CDK13: variants seen among roughly 807,000 people sequenced by gnomAD.
The protein encoded by CDK13 is cyclin dependent kinase 13, also known as cyclin-dependent kinase 13.
Under a neutral mutation model 137.6 loss-of-function variants are expected in CDK13, and 40 were observed. That is an observed-to-expected ratio of 0.29 (90% CI 0.23 to 0.38). CDK13 has a LOEUF of 0.38. Ranked by LOEUF, CDK13 falls within the 10% of genes least tolerant of loss-of-function variation. The pLI is 1.00. For synonymous variants in CDK13, 869 were observed against 760.1 expected (o/e 1.14, Z -2.36); for missense variants, 1,704 against 1,951.8 (o/e 0.87, Z 2.39).
At chr7:40,076,260 A>G (rs972651935) in intron 9 of CDK13, among the ~76,000 whole-genome samples, 1 of 152,242 alleles carries the variant, frequency 6.6e-6, no homozygotes, top group Non-Finnish European at 1.5e-5. Flanking sequence ...CCTGTAAACA[A>G]CTAAAATACA....
In CDK13 at chr7:39,952,012, CG is replaced by C. The variant is rs943892128; in HGVS notation, c.1211+161del. On this transcript the variant is annotated intron_variant, in intron 1 of 13. Transcript: ENST00000181839. ...CAGGAAGGATAGGCGTTTTCGCGCG[CG>C]TGACACTTTTTTAGGGGGTCGAAGG... 5 of 697,576 alleles carry C rather than the reference CG, an allele frequency of 7.2e-6. No homozygotes were observed. The Admixed American group carries it at 1.3e-4, about 18-fold the overall frequency. 43.2% of individuals were successfully genotyped at this position (697,576 alleles called of 1,614,324 possible).
chr7:40,060,563 G>A (rs573321764), intron 7 of CDK13, among the ~76,000 whole-genome samples: 1 of 152,264 alleles, frequency 6.6e-6, no homozygotes, highest in Non-Finnish European at 1.5e-5. Flanking sequence ...TTTGTGTGTG[G>A]GGTTCATAAT....
At chr7:40,029,424 A>G (rs1312407006) in intron 5 of CDK13, among the ~76,000 whole-genome samples, 4 of 145,232 alleles carry the variant, frequency 2.8e-5, no homozygotes, top group Non-Finnish European at 6.1e-5. Flanking sequence ...GACTGTGTGG[A>G]AAAAAAAAAA....
intron 1 of CDK13, among the ~76,000 whole-genome samples, chr7:39,961,301 A>G (rs1195042242): frequency 6.6e-6 from 1 of 152,168 alleles, no homozygotes; most frequent in Non-Finnish European, 1.5e-5. Context: ...CAGAGGTTGC[A>G]GTGAGCCGAG....
At chr7:40,063,906 C>G (rs908921671) in intron 9 of CDK13, among the ~76,000 whole-genome samples, 1 of 152,104 alleles carries the variant, frequency 6.6e-6, no homozygotes, top group African/African-American at 2.4e-5. Context: ...GACTGCCCCC[C>G]GCCTCGTTCT....
intron 5 of CDK13, among the ~76,000 whole-genome samples, chr7:40,020,436 A>G (rs1370271147): frequency 1.3e-5 from 2 of 152,088 alleles, no homozygotes; most frequent in Admixed American, 6.5e-5. Flanking sequence ...CTTTATTGCT[A>G]CTTTCATACT....
chr7:39,963,778 A>G (rs1783804779), intron 1 of CDK13, among the ~76,000 whole-genome samples: 1 of 31,902 alleles, frequency 3.1e-5, no homozygotes, highest in Non-Finnish European at 5.9e-5. Flanking sequence ...AGCTCTTATT[A>G]TTTTGAGATA....
At chr7:39,997,345 T>A in intron 2 of CDK13, 149 bp from the exon 3 acceptor site, 1 of 668,658 alleles carries the variant, frequency 1.5e-6, no homozygotes, top group South Asian at 1.8e-5. Context: ...AGTGTATTAC[T>A]TTAGCTGGAA....
chr7:40,088,993 C>T (rs529543635), intron 12 of CDK13, among the ~76,000 whole-genome samples: 16 of 151,524 alleles, frequency 1.1e-4, no homozygotes, highest in Non-Finnish European at 2.1e-4. Flanking sequence ...GAAGAAGAAT[C>T]GCTTGAACTG....
At chr7:39,967,442 TAAAAC>T (rs1015477843) in intron 1 of CDK13, among the ~76,000 whole-genome samples, 13 of 147,856 alleles carry the variant, frequency 8.8e-5, no homozygotes, top group Admixed American at 8.1e-4. Flanking sequence ...AAAAACAAAA[TAAAAC>T]AAAAAACAAA....
At chr7:39,997,986 A>G (rs894365440) in intron 3 of CDK13, 2 of 195,968 alleles carry the variant, frequency 1.0e-5, no homozygotes, top group Admixed American at 5.7e-5. Flanking sequence ...AGAAGTCAGC[A>G]TTTAGTGAGA....
At chr7:39,989,107 AAAAAG>A (rs905397590) in intron 2 of CDK13, among the ~76,000 whole-genome samples, 55 of 122,902 alleles carry the variant, frequency 4.5e-4, no homozygotes, top group East Asian at 7.9e-4. Context: ...AAAAAAAAAA[AAAAAG>A]AGAAAATTCA....
chr7:40,035,440 CATAG>C (rs565078956), intron 5 of CDK13, among the ~76,000 whole-genome samples: 159 of 152,214 alleles, frequency 1.0e-3, no homozygotes, highest in Middle Eastern at 3.4e-3. Flanking sequence ...AGTGGCTCCC[CATAG>C]CTCCCATAAC....
intron 9 of CDK13, chr7:40,071,058 T>C (rs1290814936): frequency 6.6e-6 from 1 of 152,124 alleles, no homozygotes; most frequent in Non-Finnish European, 1.5e-5. Flanking sequence ...TTTTAAACTT[T>C]AAAGGAATTA....
intron 5 of CDK13, among the ~76,000 whole-genome samples, chr7:40,042,320 A>G (rs573435052): frequency 4.0e-5 from 6 of 151,650 alleles, no homozygotes; most frequent in East Asian, 2.0e-4. Context: ...AGCTGAAGTG[A>G]TCCGCCCACC....
chr7:40,047,443 C>T (rs1208209228), intron 6 of CDK13, among the ~76,000 whole-genome samples: 2 of 152,088 alleles, frequency 1.3e-5, no homozygotes, highest in Non-Finnish European at 2.9e-5. Context: ...CGTTCTTGAG[C>T]ACTGTTACCT....
At chr7:39,998,341 C>T (rs1583967534) in intron 3 of CDK13, 1 of 147,826 alleles carries the variant, frequency 6.8e-6, no homozygotes, top group East Asian at 2.0e-4. Context: ...CACAGTGGCT[C>T]ATGCCTGTAA....
At chr7:40,051,598 A>G (rs193129585) in intron 7 of CDK13, among the ~76,000 whole-genome samples, 3 of 152,336 alleles carry the variant, frequency 2.0e-5, no homozygotes, top group African/African-American at 7.2e-5. Context: ...GAATAACTGA[A>G]TTGTTCAAGA....
chr7:40,038,555 T>A (rs1785535093), intron 5 of CDK13, among the ~76,000 whole-genome samples: 1 of 152,218 alleles, frequency 6.6e-6, no homozygotes, highest in Admixed American at 6.5e-5. Context: ...CAAATTTCTC[T>A]TCAGAGGGCT....
Sources: allele counts gnomAD v4.1 joint callset (sites outside exome capture counted in the v4.1 genomes callset), GRCh38; gene constraint gnomAD v4.1.1; transcripts MANE v1.5; gene names NCBI Gene and HGNC (gene_info 2026-07-23, HGNC 2026-07-21).